SLC47A2: variants seen among roughly 807,000 people sequenced by gnomAD.
The protein encoded by SLC47A2 is multidrug and toxin extrusion protein 2.
Under a neutral mutation model 67.7 loss-of-function variants are expected in SLC47A2, and 52 were observed. That is an observed-to-expected ratio of 0.77 (90% CI 0.61 to 0.97). SLC47A2 has a LOEUF of 0.97. SLC47A2 is among the 50% of genes least tolerant of loss of function. The probability of loss-of-function intolerance (pLI) is 0.00; values close to 1 mark genes in which losing one functional copy is unlikely to be tolerated. For missense variants in SLC47A2, 676 were observed against 712.3 expected, an observed-to-expected ratio of 0.95 and a Z score of 0.58; for synonymous variants, 278 against 292.9, an observed-to-expected ratio of 0.95 and a Z score of 0.52.
chr17:19,686,506 G>T (rs1029018386), intron 13 of SLC47A2, among the ~76,000 whole-genome samples: 1 of 152,140 alleles, frequency 6.6e-6, no homozygotes, highest in African/African-American at 2.4e-5. Context: ...AAGACATAGA[G>T]TGGCTCAATG....
At chr17:19,679,873 G>C in intron 16 of SLC47A2, 79 bp downstream of exon 16, 1 of 1,377,622 alleles carries the variant, frequency 7.3e-7, no homozygotes, top group Non-Finnish European at 1.0e-6. Flanking sequence ...AATTGCATGA[G>C]GCACAGAGGG....
chr17:19,680,482 A>G (rs2085289831), intron 15 of SLC47A2, among the ~76,000 whole-genome samples: 1 of 152,212 alleles, frequency 6.6e-6, no homozygotes, highest in African/African-American at 2.4e-5. Context: ...TCCATCTCAA[A>G]TAAATAAATG....
At chr17:19,701,530 A>G (rs2085787214) in intron 13 of SLC47A2, among the ~76,000 whole-genome samples, 1 of 152,128 alleles carries the variant, frequency 6.6e-6, no homozygotes, top group Admixed American at 6.5e-5. Context: ...TTGCTAAGTA[A>G]GGGCATATCC....
chr17:19,705,402 G>A, intron 10 of SLC47A2, 34 bp downstream of exon 10: 4 of 1,592,146 alleles, frequency 2.5e-6, no homozygotes, highest in Non-Finnish European at 3.4e-6. Flanking sequence ...ATCAGGTGGG[G>A]GATGTGGGGA....
chr17:19,702,019 G>C, intron 13 of SLC47A2: 1 of 501,660 alleles, frequency 2.0e-6, no homozygotes, highest in Non-Finnish European at 2.6e-6. Flanking sequence ...TGAGGTGAGA[G>C]GATCACTTGA....
chr17:19,709,796 A>G (rs2152357906), intron 5 of SLC47A2, among the ~76,000 whole-genome samples: 1 of 152,278 alleles, frequency 6.6e-6, no homozygotes, highest in East Asian at 1.9e-4. Context: ...GACAAAGAAG[A>G]CACCACAGTG....
At chr17:19,680,641 G>A (rs1039428622) in intron 15 of SLC47A2, among the ~76,000 whole-genome samples, 17 of 152,108 alleles carry the variant, frequency 1.1e-4, no homozygotes, top group Non-Finnish European at 2.5e-4. Flanking sequence ...TTGTGCCTTT[G>A]CTGTGCCTGA....
chr17:19,702,966 G>A (rs1597619876), intron 12 of SLC47A2, 126 bp downstream of exon 12: 2 of 1,100,548 alleles, frequency 1.8e-6, no homozygotes, highest in Non-Finnish European at 2.7e-6. Flanking sequence ...CTCAGTGAGA[G>A]CCAAGCCTGG....
intron 5 of SLC47A2, 150 bp downstream of exon 5, chr17:19,712,553 C>A: frequency 1.4e-6 from 1 of 718,010 alleles, no homozygotes. Context: ...CAATTTGCAC[C>A]AACTGCAACG....
chr17:19,713,709 G>A, intron 4 of SLC47A2, 116 bp downstream of exon 4: 1 of 1,420,822 alleles, frequency 7.0e-7, no homozygotes, highest in Non-Finnish European at 9.4e-7. Flanking sequence ...ACCGTGCACT[G>A]TGAGCACTCG....
Position 19,681,630 on chromosome 17 carries a change from G to T in SLC47A2, c.1205C>A (p.Ala402Asp). The change falls in exon 14 of 17, where the codon GCC becomes GAC. Residue 402 changes from alanine (A) to aspartate (D), a missense_variant. Coordinates refer to ENST00000433844, the MANE Select transcript of SLC47A2 (RefSeq NM_001099646.3). ...GGVLRGTGKQ[A>D]FGAAVNAITY... ...GATGGCATTCACAGCGGCACCAAAG[G>T]CCTGCTTCCCAGTTCCTCTCAGAAC... 6.2e-7 allele frequency: 1 copy of T among 1,614,112 alleles called. No individual in the cohort carries two copies. Among genetic ancestry groups the T allele is most frequent in the Non-Finnish European group, 8.5e-7 (1 of 1,179,964 alleles).
chr17:19,690,603 G>A (rs998212077), intron 13 of SLC47A2, among the ~76,000 whole-genome samples: 2 of 152,048 alleles, frequency 1.3e-5, no homozygotes, highest in African/African-American at 4.8e-5. Flanking sequence ...TTTAAAAATG[G>A]ACAGAAATAG....
At chr17:19,698,161 C>T (rs1207013383) in intron 13 of SLC47A2, among the ~76,000 whole-genome samples, 2 of 152,060 alleles carry the variant, frequency 1.3e-5, no homozygotes, top group South Asian at 2.1e-4. Flanking sequence ...CAAAGAAAAG[C>T]GATGTTGGAG....
rs923337769 is a variant in SLC47A2, at chr17:19,707,637, C to T, written c.727+109G>A. 4 of 938,984 alleles carry T rather than the reference C, an allele frequency of 4.3e-6. No homozygotes were observed. In the African/African-American group the frequency reaches 6.6e-5, roughly 15 times the overall value. 58.2% of individuals were successfully genotyped at this position (938,984 alleles called of 1,614,324 possible). On this transcript the variant is annotated intron_variant, in intron 8 of 16. Coordinates refer to ENST00000433844, the MANE Select transcript of SLC47A2 (RefSeq NM_001099646.3). ...GGGGGCCGTGCAGGGTCCTGCACCT[C>T]CTCCAACAGGCTCTACTGCACCCTC...
rs141717616 is a variant in SLC47A2, at chr17:19,713,895, G to A, written c.373C>T (p.Pro125Ser). The A allele has an allele frequency of 3.1e-6, 5 of 1,613,774 alleles. No individual in the cohort carries two copies. The African/African-American group carries it at 6.7e-5, about 22-fold the overall frequency. The change falls in exon 4 of 17, where the codon CCT becomes TCT. Residue 125 changes from proline to serine, a missense_variant. Physicochemically the swap from Pro to Ser is moderately conservative, Grantham distance 74. Transcript: ENST00000433844. Reference protein sequence around the residue: ...GALVLLLCCLPCWALFLNTQH... With the variant: ...GALVLLLCCLSCWALFLNTQH... ...GTGTTGAGGAAGAGCGCCCAGCAAG[G>A]GAGGCAGCAGAGGAGCAGGACCAGC...
chr17:19,705,286 G>A (rs943212341), intron 10 of SLC47A2, 150 bp downstream of exon 10: 1 of 696,332 alleles, frequency 1.4e-6, no homozygotes, highest in East Asian at 3.0e-5. Context: ...GGCGTAAGCT[G>A]AGCAGGGTCT....
intron 13 of SLC47A2, among the ~76,000 whole-genome samples, chr17:19,696,460 C>CAA (rs35606212): frequency 5.4e-5 from 6 of 110,776 alleles, no homozygotes; most frequent in African/African-American, 1.4e-4. Context: ...GACTCCATCT[C>CAA]AAAAAAAAAA....
At chr17:19,703,672 G>C (rs1214345173) in intron 11 of SLC47A2, among the ~76,000 whole-genome samples, 35 of 152,226 alleles carry the variant, frequency 2.3e-4, no homozygotes, top group Non-Finnish European at 1.5e-5. Context: ...CAGCTGCCAA[G>C]CTCATGGGGG....
chr17:19,703,402 C>T (rs188363930), intron 11 of SLC47A2, among the ~76,000 whole-genome samples: 204 of 152,304 alleles, frequency 1.3e-3, no homozygotes, highest in African/African-American at 4.7e-3. Flanking sequence ...TCAGAGTGGG[C>T]GGCACGCTGG....
Sources: gnomAD v4.1 joint callset for allele counts (sites outside exome capture counted in the v4.1 genomes callset) on GRCh38, gnomAD v4.1.1 for gene constraint, MANE v1.5 for transcripts, NCBI Gene and HGNC (gene_info 2026-07-23, HGNC 2026-07-21) for gene names.